COLEC10: variants seen among roughly 807,000 people sequenced by gnomAD.
COLEC10 encodes collectin-10.
COLEC10 carries 22 observed loss-of-function variants against 28.4 expected under a neutral mutation model. The ratio of observed to expected loss-of-function variants is 0.78; its 90% CI spans 0.55 to 1.11. COLEC10 has a LOEUF of 1.11. Among genes scored for constraint, COLEC10 ranks in the 50% least tolerant of loss-of-function variants. The pLI, the probability that COLEC10 is intolerant of heterozygous loss-of-function variation, is 0.00. For synonymous variants in COLEC10, 125 were observed against 116.1 expected, an observed-to-expected ratio of 1.08 and a Z score of -0.49; for missense variants, 361 against 344.1, an observed-to-expected ratio of 1.05 and a Z score of -0.39.
At chr8:119,014,437 T>C (rs1009888701) in intron 2 of COLEC10, among the ~76,000 whole-genome samples, 1 of 150,488 alleles carries the variant, frequency 6.6e-6, no homozygotes, top group Non-Finnish European at 1.5e-5. Context: ...GATATAATTC[T>C]TATCTTCTGT....
chr8:119,012,725 C>A (rs1485775284), intron 2 of COLEC10, among the ~76,000 whole-genome samples: 1 of 150,358 alleles, frequency 6.7e-6, no homozygotes, highest in Non-Finnish European at 1.5e-5. Context: ...GGAATTCATT[C>A]ATTTTATCTA....
At chr8:119,050,403 GAT>G (rs1373308484) in intron 2 of COLEC10, among the ~76,000 whole-genome samples, 3 of 152,138 alleles carry the variant, frequency 2.0e-5, no homozygotes, top group Non-Finnish European at 4.4e-5. Context: ...GCCTTAAAGT[GAT>G]ATGATTTCTT....
At chr8:119,084,917 T>C (rs151084071) in intron 1 of COLEC10, among the ~76,000 whole-genome samples, 80 of 152,154 alleles carry the variant, frequency 5.3e-4, no homozygotes, top group African/African-American at 1.7e-3. Context: ...ATAATAGAGA[T>C]TGAGGTAGTG....
rs566972523 is a variant in COLEC10, at chr8:119,098,761, G to T, written c.293-3587G>T. Among the ~76,000 whole-genome samples, 53 of 152,034 alleles carry T rather than the reference G, an allele frequency of 3.5e-4. 1 individual carries two copies. Among genetic ancestry groups the T allele is most frequent in the South Asian group, 1.0e-3 (5 of 4,806 alleles). On this transcript the variant is annotated intron_variant, in intron 3 of 5. Coordinates refer to ENST00000332843, the MANE Select transcript of COLEC10 (RefSeq NM_006438.5). Reference sequence around the variant, plus strand: ...TCCTTAATATCAATTTCCACCATTAGCTATTAAGATTTTCTTCCTCTCCAG... The same window carrying T: ...TCCTTAATATCAATTTCCACCATTATCTATTAAGATTTTCTTCCTCTCCAG...
At chr8:118,996,962 G>A (rs535853940) in intron 1 of COLEC10, among the ~76,000 whole-genome samples, 1 of 152,220 alleles carries the variant, frequency 6.6e-6, no homozygotes, top group African/African-American at 2.4e-5. Flanking sequence ...CACAGGGGTG[G>A]CATCAAGCCA....
the COLEC10 span, among the ~76,000 whole-genome samples, chr8:118,954,039 G>A: frequency 6.6e-6 from 1 of 152,224 alleles, no homozygotes; most frequent in Admixed American, 6.5e-5. Flanking sequence ...TCATGGGGAC[G>A]TTTGTATGAG....
chr8:119,004,781 T>G (rs1010139447), intron 1 of COLEC10, among the ~76,000 whole-genome samples: 1 of 151,852 alleles, frequency 6.6e-6, no homozygotes, highest in Non-Finnish European at 1.5e-5. Context: ...CCTAGATTCC[T>G]CTATTTCTTA....
At chr8:119,010,316 C>T (rs999171182) in intron 2 of COLEC10, among the ~76,000 whole-genome samples, 2 of 150,814 alleles carry the variant, frequency 1.3e-5, no homozygotes, top group African/African-American at 5.0e-5. Context: ...ATTTTAGTTT[C>T]CTCCATGTCT....
chr8:118,993,502 C>T (rs1813539722), upstream of COLEC10, among the ~76,000 whole-genome samples: 1 of 151,900 alleles, frequency 6.6e-6, no homozygotes, highest in Non-Finnish European at 1.5e-5. Context: ...CTACAGGTGC[C>T]CACCATCACA....
chr8:118,983,883 G>A, the COLEC10 span, among the ~76,000 whole-genome samples: 1 of 152,108 alleles, frequency 6.6e-6, no homozygotes, highest in Non-Finnish European at 1.5e-5. Flanking sequence ...AACACTGCTG[G>A]TGGGAATGTA....
chr8:119,028,048 C>T (rs1033212207), intron 2 of COLEC10, among the ~76,000 whole-genome samples: 1 of 147,740 alleles, frequency 6.8e-6, no homozygotes, highest in Non-Finnish European at 1.5e-5. Context: ...AGAATGCACT[C>T]AAAATTCACA....
the COLEC10 span, among the ~76,000 whole-genome samples, chr8:118,969,708 T>A: frequency 3.3e-5 from 5 of 151,222 alleles, no homozygotes; most frequent in East Asian, 3.9e-4. Flanking sequence ...TTTTTTTTTT[T>A]AAATTCAGCT....
At chr8:119,016,465 T>C (rs1307660993) in intron 2 of COLEC10, among the ~76,000 whole-genome samples, 2 of 152,160 alleles carry the variant, frequency 1.3e-5, no homozygotes, top group Non-Finnish European at 2.9e-5. Context: ...TTCGCTCTTG[T>C]AAATAGGGCT....
intron 5 of COLEC10, among the ~76,000 whole-genome samples, chr8:119,105,077 C>T (rs890631966): frequency 7.2e-5 from 11 of 152,064 alleles, no homozygotes; most frequent in Admixed American, 3.3e-4. Context: ...TGTTCACAGC[C>T]CAGGAATTTG....
Position 119,067,386 on chromosome 8 carries a change from C to T in COLEC10, c.105C>T (p.Thr35=), listed in dbSNP as rs758924009. The T allele has an allele frequency of 6.8e-6, 11 of 1,613,836 alleles. No homozygotes were observed. The East Asian group carries it at 8.9e-5, about 13-fold the overall frequency. Reference sequence around the variant, plus strand: ...GTCTGGATATTGATAGCCGTCCTACCGCTGAAGTCTGTGCCACACACACAA... The same window carrying T: ...GTCTGGATATTGATAGCCGTCCTACTGCTGAAGTCTGTGCCACACACACAA... ...SLGLDIDSRP[T]AEVCATHTIS... The change falls in exon 1 of 6, where the codon ACC becomes ACT. Residue 35 remains threonine, a synonymous_variant. Transcript: ENST00000332843.
intron 2 of COLEC10, among the ~76,000 whole-genome samples, chr8:119,025,089 GT>G (rs780855931): frequency 1.1e-3 from 164 of 152,218 alleles, no homozygotes; most frequent in Admixed American, 2.2e-3. Flanking sequence ...ACACAGTACC[GT>G]TTTTCAGAGC....
At chr8:119,017,427 A>G (rs909994143) in intron 2 of COLEC10, among the ~76,000 whole-genome samples, 2 of 152,198 alleles carry the variant, frequency 1.3e-5, no homozygotes, top group African/African-American at 4.8e-5. Flanking sequence ...CCAGATAGTA[A>G]GTAGGTTCCA....
At chr8:118,968,590 T>TA in the COLEC10 span, among the ~76,000 whole-genome samples, 1 of 151,110 alleles carries the variant, frequency 6.6e-6, no homozygotes, top group African/African-American at 2.4e-5. Context: ...TATATGTGTG[T>TA]ATATATATAC....
chr8:119,085,920 T>G (rs1273654604), intron 1 of COLEC10, among the ~76,000 whole-genome samples: 4 of 152,080 alleles, frequency 2.6e-5, no homozygotes, highest in African/African-American at 9.7e-5. Flanking sequence ...GCCCAGTCTA[T>G]CCCATTCAAT....
Sources: gnomAD v4.1 joint callset for allele counts (sites outside exome capture counted in the v4.1 genomes callset) on GRCh38, gnomAD v4.1.1 for gene constraint, MANE v1.5 for transcripts, NCBI Gene and HGNC (gene_info 2026-07-23, HGNC 2026-07-21) for gene names.